GUCY1A1: variants seen among roughly 807,000 people sequenced by gnomAD.
GUCY1A1 encodes the protein guanylate cyclase soluble subunit alpha-1.
In GUCY1A1, 48 loss-of-function variants were observed where a neutral mutation model predicts 64.5. That is an observed-to-expected ratio of 0.74 (90% CI 0.59 to 0.95). The LOEUF is 0.95. GUCY1A1 is among the 40% of genes least tolerant of loss of function. The pLI is 0.00. For missense variants in GUCY1A1, 804 were observed against 825.3 expected (o/e 0.97, Z 0.32); for synonymous variants, 308 against 303.4 (o/e 1.02, Z -0.16).
At chr4:155,725,378 G>C (rs894663187) in intron 9 of GUCY1A1, among the ~76,000 whole-genome samples, 6 of 152,066 alleles carry the variant, frequency 3.9e-5, no homozygotes, top group Non-Finnish European at 8.8e-5. Context: ...ATAATAGGTA[G>C]GGATAAGAAT....
chr4:155,694,353 G>A (rs1730151843), intron 2 of GUCY1A1, among the ~76,000 whole-genome samples: 1 of 151,858 alleles, frequency 6.6e-6, no homozygotes, highest in South Asian at 2.1e-4. Context: ...GACCAGCCTG[G>A]GTAACATAGT....
chr4:155,717,402 G>A (rs551714970), intron 8 of GUCY1A1, 100 bp downstream of exon 8: 1 of 751,514 alleles, frequency 1.3e-6, no homozygotes, highest in Admixed American at 3.8e-5. Flanking sequence ...AGTTGAGAGA[G>A]AGAGAGAAAG....
intron 2 of GUCY1A1, among the ~76,000 whole-genome samples, chr4:155,690,068 A>G (rs1229677033): frequency 2.0e-5 from 3 of 152,218 alleles, no homozygotes; most frequent in African/African-American, 7.2e-5. Context: ...TGAGATTTTA[A>G]CAGAAGAATT....
chr4:155,715,248 A>G (rs1733075755), intron 7 of GUCY1A1, among the ~76,000 whole-genome samples: 1 of 152,176 alleles, frequency 6.6e-6, no homozygotes, highest in African/African-American at 2.4e-5. Context: ...GGTTTCAGAT[A>G]CACAAAATGT....
chr4:155,719,994 T>C (rs1348748571), intron 8 of GUCY1A1, among the ~76,000 whole-genome samples: 1 of 152,138 alleles, frequency 6.6e-6, no homozygotes, highest in Non-Finnish European at 1.5e-5. Flanking sequence ...CTTAAACACG[T>C]TGTGTTTTAA....
chr4:155,714,626 C>CCAACA (rs1732997951), intron 7 of GUCY1A1, among the ~76,000 whole-genome samples: 1 of 152,182 alleles, frequency 6.6e-6, no homozygotes, highest in Non-Finnish European at 1.5e-5. Flanking sequence ...ACATAACAAT[C>CCAACA]TGACATTTCA....
intron 2 of GUCY1A1, among the ~76,000 whole-genome samples, chr4:155,672,814 A>G (rs969019531): frequency 2.6e-5 from 4 of 152,224 alleles, no homozygotes; most frequent in Non-Finnish European, 5.9e-5. Flanking sequence ...ATTTTTAAAG[A>G]TGACTTTAAC....
intron 2 of GUCY1A1, among the ~76,000 whole-genome samples, chr4:155,682,707 T>TGTGG (rs1194068306): frequency 6.6e-6 from 1 of 151,156 alleles, no homozygotes. Flanking sequence ...TCAGTGTGTG[T>TGTGG]GTGTGTGTGT....
chr4:155,689,325 C>T (rs889088939), intron 2 of GUCY1A1, among the ~76,000 whole-genome samples: 1 of 151,836 alleles, frequency 6.6e-6, no homozygotes, highest in Non-Finnish European at 1.5e-5. Context: ...GAAAAAGATG[C>T]AAGAAATTGT....
At chr4:155,688,303 GTA>G (rs1367806988) in intron 2 of GUCY1A1, among the ~76,000 whole-genome samples, 3 of 151,874 alleles carry the variant, frequency 2.0e-5, no homozygotes, top group Admixed American at 6.6e-5. Context: ...ATGTAAGTAT[GTA>G]TGTATGTGTG....
chr4:155,717,339 A>G lies in GUCY1A1; in HGVS notation c.1716+37A>G, dbSNP rs1275106970. The G allele has an allele frequency of 2.0e-6, 3 of 1,467,284 alleles. No homozygotes were observed. The Admixed American group carries it at 6.2e-5, about 31-fold the overall frequency. 90.9% of individuals were successfully genotyped at this position (1,467,284 alleles called of 1,614,324 possible). ...GATATATTGTCCAAAAGATGTCACA[A>G]GAGCAAATGCGTATAGTTGATTACC... On this transcript the variant is annotated intron_variant, in intron 8 of 9. Transcript: ENST00000506455.
At chr4:155,723,279 G>A (rs1268444299) in intron 9 of GUCY1A1, among the ~76,000 whole-genome samples, 1 of 152,128 alleles carries the variant, frequency 6.6e-6, no homozygotes, top group Non-Finnish European at 1.5e-5. Context: ...TTCAAAGATT[G>A]CAGTTTTATG....
intron 2 of GUCY1A1, among the ~76,000 whole-genome samples, chr4:155,685,603 G>GTTTTTTTTTTTTTTTTTTTTTTT (rs70954055): frequency 2.8e-5 from 3 of 108,852 alleles, no homozygotes; most frequent in African/African-American, 6.3e-5. Context: ...TTCTCCTTGT[G>GTTTTTTTTTTTTTTTTTTTTTTT]TTTTTTTTTT....
intron 4 of GUCY1A1, among the ~76,000 whole-genome samples, chr4:155,707,923 G>T (rs756448312): frequency 1.3e-5 from 2 of 149,726 alleles, no homozygotes; most frequent in African/African-American, 4.9e-5. Context: ...CCTCTGCCCC[G>T]CCAGGTCCCG....
intron 4 of GUCY1A1, among the ~76,000 whole-genome samples, chr4:155,706,458 C>G (rs1731771294): frequency 6.6e-6 from 1 of 151,854 alleles, no homozygotes; most frequent in African/African-American, 2.4e-5. Flanking sequence ...AATTGACAAA[C>G]AAAAATCCAA....
At chr4:155,729,143 GA>G (rs1414868290) in intron 9 of GUCY1A1, among the ~76,000 whole-genome samples, 1 of 151,724 alleles carries the variant, frequency 6.6e-6, no homozygotes, top group African/African-American at 2.4e-5. Flanking sequence ...TGACATTACA[GA>G]CTAGTGAGTA....
chr4:155,719,874 G>T (rs1425028519), intron 8 of GUCY1A1, among the ~76,000 whole-genome samples: 1 of 152,138 alleles, frequency 6.6e-6, no homozygotes, highest in African/African-American at 2.4e-5. Context: ...CCCTTAGTAG[G>T]TTCCCATTCA....
At chr4:155,717,437 C>A in intron 8 of GUCY1A1, 135 bp downstream of exon 8, 1 of 467,810 alleles carries the variant, frequency 2.1e-6, no homozygotes. Context: ...AGAACACAAT[C>A]TTCTCTAACT....
chr4:155,707,346 C>T (rs1419052505), intron 4 of GUCY1A1, among the ~76,000 whole-genome samples: 1 of 152,174 alleles, frequency 6.6e-6, no homozygotes, highest in East Asian at 1.9e-4. Context: ...ATAGCTTAGC[C>T]TTGCCTACCT....
Sources: allele counts gnomAD v4.1 joint callset (sites outside exome capture counted in the v4.1 genomes callset), GRCh38; gene constraint gnomAD v4.1.1; transcripts MANE v1.5; gene names NCBI Gene and HGNC (gene_info 2026-07-23, HGNC 2026-07-21).